The following MAJIN variants were observed in gnomAD, a reference collection of about 807,000 sequenced individuals.
The protein encoded by MAJIN is membrane anchored junction protein, also known as membrane-anchored junction protein.
In MAJIN, 27 loss-of-function variants were observed where a neutral mutation model predicts 30.2. The ratio of observed to expected loss-of-function variants is 0.89; its 90% CI spans 0.66 to 1.23. The LOEUF is 1.23. Ranked by LOEUF, MAJIN falls within the 50% of genes most tolerant of loss-of-function variation. MAJIN has a pLI of 0.00. For missense variants in MAJIN, 253 were observed against 260.3 expected, an observed-to-expected ratio of 0.97 and a Z score of 0.19; for synonymous variants, 78 against 91.6, an observed-to-expected ratio of 0.85 and a Z score of 0.85.
intron 1 of MAJIN, among the ~76,000 whole-genome samples, chr11:64,970,792 GCA>G (rs1420218524): frequency 2.0e-5 from 3 of 152,200 alleles, no homozygotes; most frequent in Non-Finnish European, 4.4e-5. Flanking sequence ...CTGGGGAGTG[GCA>G]CAGAGATCTC....
At chr11:64,959,638 C>A (rs1367374966) in intron 2 of MAJIN, among the ~76,000 whole-genome samples, 1 of 152,140 alleles carries the variant, frequency 6.6e-6, no homozygotes, top group Non-Finnish European at 1.5e-5. Flanking sequence ...AGTCAAAAGC[C>A]CAGAATTCAA....
intron 6 of MAJIN, among the ~76,000 whole-genome samples, chr11:64,948,025 A>T (rs556805560): frequency 6.6e-6 from 1 of 151,290 alleles, no homozygotes; most frequent in East Asian, 2.0e-4. Context: ...ACACCTGGCT[A>T]ATTTTTGTAT....
At chr11:64,948,338 C>T (rs534583365) in intron 6 of MAJIN, among the ~76,000 whole-genome samples, 35 of 151,718 alleles carry the variant, frequency 2.3e-4, no homozygotes, top group Admixed American at 3.9e-4. Context: ...AGGGAGGGGA[C>T]GATCCTTACT....
At chr11:64,957,827 G>A (rs1374783515) in intron 3 of MAJIN, among the ~76,000 whole-genome samples, 1 of 152,174 alleles carries the variant, frequency 6.6e-6, no homozygotes, top group Non-Finnish European at 1.5e-5. Context: ...CTCCTGAATA[G>A]CTGGGATTAC....
intron 8 of MAJIN, among the ~76,000 whole-genome samples, chr11:64,943,898 C>T (rs1945412088): frequency 6.6e-6 from 1 of 152,194 alleles, no homozygotes; most frequent in African/African-American, 2.4e-5. Flanking sequence ...CTTTTTCTTA[C>T]CCCCTAAAGG....
At chr11:64,969,374 G>A (rs951160430) in intron 1 of MAJIN, among the ~76,000 whole-genome samples, 2 of 151,888 alleles carry the variant, frequency 1.3e-5, no homozygotes, top group African/African-American at 2.4e-5. Flanking sequence ...TATAGAGAAG[G>A]GATGAGGGCC....
intron 1 of MAJIN, among the ~76,000 whole-genome samples, chr11:64,971,261 CTACAAAAA>C (rs1012317385): frequency 4.6e-5 from 7 of 151,112 alleles, no homozygotes; most frequent in Non-Finnish European, 7.4e-5. Context: ...AACCCCATCT[CTACAAAAA>C]TACAAAAATT....
intron 8 of MAJIN, among the ~76,000 whole-genome samples, chr11:64,945,050 G>T (rs1266583110): frequency 6.6e-6 from 1 of 152,064 alleles, no homozygotes; most frequent in African/African-American, 2.4e-5. Context: ...TACATGCCTA[G>T]CTCATTTGTT....
At chr11:64,954,848 T>A in intron 3 of MAJIN, 46 bp from the exon 4 acceptor site, 1 of 1,545,454 alleles carries the variant, frequency 6.5e-7, no homozygotes, top group South Asian at 1.2e-5. Flanking sequence ...GAAGGAAAGC[T>A]CTGGAGAGAG....
chr11:64,961,143 C>A (rs968866785), intron 1 of MAJIN, among the ~76,000 whole-genome samples: 4 of 151,720 alleles, frequency 2.6e-5, no homozygotes, highest in Non-Finnish European at 5.9e-5. Flanking sequence ...ACTCTTAATT[C>A]TTCCAAGGAT....
chr11:64,965,904 C>A (rs993230735), intron 1 of MAJIN, among the ~76,000 whole-genome samples: 1 of 149,312 alleles, frequency 6.7e-6, no homozygotes, highest in African/African-American at 2.5e-5. Context: ...TGCAGTGAGC[C>A]GAGACTACGC....
chr11:64,959,267 G>A (rs1237899934), intron 3 of MAJIN, 38 bp downstream of exon 3: 5 of 1,518,256 alleles, frequency 3.3e-6, no homozygotes, highest in South Asian at 1.1e-5. Context: ...AGCACTAACT[G>A]GTGTTTGCAT....
chr11:64,950,283 T>G, intron 5 of MAJIN, 72 bp downstream of exon 5: 1 of 1,259,806 alleles, frequency 7.9e-7, no homozygotes. Flanking sequence ...TGAGCCAAGA[T>G]CATGCCATTG....
At chr11:64,963,667 G>C (rs1266815954) in intron 1 of MAJIN, among the ~76,000 whole-genome samples, 1 of 152,084 alleles carries the variant, frequency 6.6e-6, no homozygotes. Context: ...GTGAAACCCT[G>C]TCTTTACTAA....
At chr11:64,957,367 AC>A (rs1945652813) in intron 3 of MAJIN, among the ~76,000 whole-genome samples, 1 of 152,130 alleles carries the variant, frequency 6.6e-6, no homozygotes, top group Non-Finnish European at 1.5e-5. Context: ...AGAGTGAGCC[AC>A]TGCACCTAGC....
chr11:64,943,120 T>C (rs1449400297), intron 8 of MAJIN, among the ~76,000 whole-genome samples: 3 of 152,180 alleles, frequency 2.0e-5, no homozygotes, highest in South Asian at 4.1e-4. Flanking sequence ...AACATAATAC[T>C]CTGAAAACCT....
At chr11:64,966,929 C>CAAA (rs111480545) in intron 1 of MAJIN, among the ~76,000 whole-genome samples, 13 of 69,572 alleles carry the variant, frequency 1.9e-4, no homozygotes, top group Non-Finnish European at 3.5e-4. Context: ...ATGACTGTCT[C>CAAA]AAAAAAAAAA....
intron 3 of MAJIN, among the ~76,000 whole-genome samples, chr11:64,956,500 A>C (rs1945634591): frequency 6.6e-6 from 1 of 152,044 alleles, no homozygotes; most frequent in African/African-American, 2.4e-5. Flanking sequence ...AAAACAAAAC[A>C]AAAACAAAAA....
intron 3 of MAJIN, among the ~76,000 whole-genome samples, chr11:64,958,452 CA>C (rs966363414): frequency 6.6e-6 from 1 of 151,308 alleles, no homozygotes; most frequent in South Asian, 2.1e-4. Context: ...TTCATTTCTA[CA>C]AAAAAAATTT....
Sources: allele counts gnomAD v4.1 joint callset (sites outside exome capture counted in the v4.1 genomes callset), GRCh38; gene constraint gnomAD v4.1.1; transcripts MANE v1.5; gene names NCBI Gene and HGNC (gene_info 2026-07-23, HGNC 2026-07-21).